Variants in PODXL2 observed in about 807,000 individuals in gnomAD.
PODXL2 encodes the protein podocalyxin like 2.
PODXL2 carries 17 observed loss-of-function variants against 53.4 expected under a neutral mutation model. That is an observed-to-expected ratio of 0.32 (90% CI 0.22 to 0.48). PODXL2 has a LOEUF of 0.48. Ranked by LOEUF, PODXL2 falls within the 20% of genes least tolerant of loss-of-function variation. The pLI, the probability that PODXL2 is intolerant of heterozygous loss-of-function variation, is 0.99. For missense variants in PODXL2, 673 were observed against 760.0 expected (o/e 0.89, Z 1.35); for synonymous variants, 311 against 306.7 (o/e 1.01, Z -0.15).
intron 2 of PODXL2, among the ~76,000 whole-genome samples, chr3:127,641,518 A>AG (rs1553744731): frequency 6.7e-6 from 1 of 150,104 alleles, no homozygotes; most frequent in African/African-American, 2.5e-5. Flanking sequence ...TTATAACTTG[A>AG]TTTTTTTTTC....
At position 127,671,544 on chromosome 3, in the gene PODXL2, C is replaced by T. The variant is rs1489889533; in HGVS notation, c.1536C>T (p.Cys512=). ...TGCTGGTGGTCATTGGGGCCATCTG[C>T]ATCATCATCATTGCGCTTGGCCTGC... is the stretch of plus-strand genomic sequence containing the variant. ...FVVLVVIGAI[C]IIIIALGLLY... Residue 512 remains cysteine, a synonymous_variant, in exon 7 of 8, where the codon TGC becomes TGT. Coordinates refer to ENST00000342480, the MANE Select transcript of PODXL2 (RefSeq NM_015720.4). 6.2e-7 allele frequency: 1 copy of T among 1,613,856 alleles called. No homozygotes were observed.
In PODXL2 at chr3:127,661,140, T is replaced by G. The variant is rs1250793427; in HGVS notation, c.1112T>G (p.Ile371Arg). The G allele has an allele frequency of 1.2e-6, 2 of 1,613,802 alleles. No homozygotes were observed. The highest frequency in any genetic ancestry group is 1.7e-6 in the Non-Finnish European group (2 of 1,179,790). The change falls in exon 3 of 8, where the codon ATA becomes AGA. Residue 371 changes from isoleucine (I) to arginine (R), a missense_variant. By Grantham distance (97) the Ile-to-Arg change is moderately conservative. This residue lies in a region of PODXL2 where 588 missense variants were observed against 668.3 expected (regional missense o/e 0.88). Coordinates refer to ENST00000342480, the MANE Select transcript of PODXL2 (RefSeq NM_015720.4). Reference protein sequence around the residue: ...EGQAAEAQSRIPWDSTQVICK... With the variant: ...EGQAAEAQSRRPWDSTQVICK... ...CAGGCAGCTGAAGCTCAATCCAGGA[T>G]ACCCTGGGATTCTACGCAGGTAAAG...
chr3:127,629,242 C>T lies in PODXL2; in HGVS notation c.23C>T (p.Ala8Val). ...ACCATGGGCCGGCTGCTGCGGGCCG[C>T]CCGGCTGCCGCCGCTGCTTTCGCCG... Reference protein sequence around the residue: MGRLLRAARLPPLLSPLL... With the variant: MGRLLRAVRLPPLLSPLL... The change falls in exon 1 of 8, where the codon GCC becomes GTC. Residue 8 changes from alanine (A) to valine (V), a missense_variant. Physicochemically the swap from Ala to Val is moderately conservative, Grantham distance 64. Transcript: ENST00000342480. The surrounding 1 kb of genome is among the most constrained non-coding windows in gnomAD (Gnocchi z 6.4). The T allele has an allele frequency of 3.0e-6, 3 of 1,002,986 alleles. No homozygotes were observed. Among genetic ancestry groups the T allele is most frequent in the Non-Finnish European group, 3.6e-6 (3 of 841,844 alleles). The allele number at this position is 1,002,986 out of a possible 1,614,324, so 62.1% of individuals were successfully genotyped here. A position where few individuals can be genotyped will look rare whatever the true frequency, so the allele number is the denominator to read the frequency against.
At chr3:127,650,450 A>G (rs539552749) in intron 2 of PODXL2, among the ~76,000 whole-genome samples, 5 of 152,212 alleles carry the variant, frequency 3.3e-5, no homozygotes, top group Admixed American at 6.5e-5. Context: ...GCACCAACCC[A>G]TCACAGGGGG....
intron 2 of PODXL2, among the ~76,000 whole-genome samples, chr3:127,647,068 T>G (rs1403717769): frequency 6.6e-6 from 1 of 152,162 alleles, no homozygotes; most frequent in African/African-American, 2.4e-5. Flanking sequence ...GAGTTTCTGC[T>G]TGGTGGATAA....
rs1004222517 is a variant in PODXL2 at position 127,672,657 on chromosome 3, C to T, written c.*177C>T. 3.3e-5 allele frequency: 16 copies of T among 485,304 alleles called. No homozygotes were observed. The highest frequency in any genetic ancestry group is 6.1e-5 in the African/African-American group (3 of 48,786). The allele number at this position is 485,304 out of a possible 1,614,324, so 30.1% of individuals were successfully genotyped here. A position where few individuals can be genotyped will look rare whatever the true frequency, so the allele number is the denominator to read the frequency against. On this transcript the variant is annotated 3_prime_UTR_variant, in exon 8 of 8. Coordinates refer to ENST00000342480, the MANE Select transcript of PODXL2 (RefSeq NM_015720.4). ...TCACACGGCGGCTTCGGACCAACTC[C>T]CTCACTCCCGCCCGAGGGGCAGGCC...
At chr3:127,630,581 G>A (rs1005224540) in intron 1 of PODXL2, among the ~76,000 whole-genome samples, 2 of 152,148 alleles carry the variant, frequency 1.3e-5, no homozygotes, top group African/African-American at 4.8e-5. Context: ...GCCTGAGGTG[G>A]GCCATGAACC....
chr3:127,642,538 A>G (rs1032612622), intron 2 of PODXL2, among the ~76,000 whole-genome samples: 2 of 152,056 alleles, frequency 1.3e-5, no homozygotes, highest in Non-Finnish European at 2.9e-5. Context: ...GGGAGCCTGC[A>G]GGGAAAGTGG....
intron 2 of PODXL2, among the ~76,000 whole-genome samples, chr3:127,650,651 G>A (rs984237846): frequency 1.3e-5 from 2 of 151,870 alleles, no homozygotes; most frequent in East Asian, 3.9e-4. Context: ...TTTTTTGTTT[G>A]TTTTTTTTGT....
At position 127,629,816 on chromosome 3, in the gene PODXL2, G is replaced by T. The variant is rs769792070; in HGVS notation, c.70+527G>T. 3.3e-4 allele frequency among the ~76,000 whole-genome samples: 51 copies of T among 152,310 alleles called. No individual in the cohort carries two copies. Among genetic ancestry groups the T allele is most frequent in the Non-Finnish European group, 5.3e-4 (36 of 68,024 alleles). ...CGTTGCCGGGAGGGAGTGTGAGTGT[G>T]TCACGGTGAATGGGTATTCTCTCCT... On this transcript the variant is annotated intron_variant, in intron 1 of 7. Coordinates refer to ENST00000342480, the MANE Select transcript of PODXL2 (RefSeq NM_015720.4). This position sits in a 1 kb window ranked among gnomAD's most constrained non-coding sequence, Gnocchi z 6.4.
intron 1 of PODXL2, among the ~76,000 whole-genome samples, chr3:127,634,302 G>A (rs2074564541): frequency 6.6e-6 from 1 of 152,112 alleles, no homozygotes; most frequent in Non-Finnish European, 1.5e-5. Flanking sequence ...GCACATGCCT[G>A]TAATCCCTGC....
At chr3:127,669,078 G>C (rs931990150) in intron 5 of PODXL2, 63 bp from the exon 6 acceptor site, 6 of 1,130,982 alleles carry the variant, frequency 5.3e-6, no homozygotes, top group South Asian at 2.8e-5. Flanking sequence ...CGGGGCCAGA[G>C]CCCTTGGAGG....
chr3:127,646,483 G>A (rs1051018614), intron 2 of PODXL2, among the ~76,000 whole-genome samples: 9 of 151,874 alleles, frequency 5.9e-5, no homozygotes, highest in Non-Finnish European at 1.3e-4. Flanking sequence ...CGCCTCCCAG[G>A]TTCAAGTGAT....
chr3:127,659,408 A>C (rs1384011666), intron 2 of PODXL2, among the ~76,000 whole-genome samples: 1 of 152,188 alleles, frequency 6.6e-6, no homozygotes, highest in Admixed American at 6.5e-5. Context: ...CATTTGATAA[A>C]AGTTTTGGAG....
rs189690369 is a variant in PODXL2 at position 127,665,447 on chromosome 3, G to A, written c.1207-2994G>A. On this transcript the variant is annotated intron_variant, in intron 4 of 7. Coordinates refer to ENST00000342480, the MANE Select transcript of PODXL2 (RefSeq NM_015720.4). ...ATCTAGAGAAAGTGATGCAGGCTCA[G>A]TGGCTTCTATTTTACCTAGATGTCA... 2.6e-5 allele frequency among the ~76,000 whole-genome samples: 4 copies of A among 152,342 alleles called. No homozygotes were observed. In the East Asian group the frequency reaches 7.7e-4, roughly 29 times the overall value.
chr3:127,637,236 C>T (rs2074583058), intron 1 of PODXL2, among the ~76,000 whole-genome samples: 1 of 152,196 alleles, frequency 6.6e-6, no homozygotes, highest in African/African-American at 2.4e-5. Flanking sequence ...CGTTTACTAG[C>T]CCTGGTCAGA....
At chr3:127,646,118 A>G (rs1658039) in intron 2 of PODXL2, among the ~76,000 whole-genome samples, 1,699 of 152,308 alleles carry the variant, frequency 0.011, 42 homozygotes, top group African/African-American at 0.039. Context: ...TGTGCCCAGC[A>G]CTATGTTAGG....
Position 127,672,385 on chromosome 3 carries a change from G to A in PODXL2, c.1723G>A (p.Gly575Arg). 1 of 1,545,790 alleles carries A rather than the reference G, an allele frequency of 6.5e-7. No homozygotes were observed. Among genetic ancestry groups the A allele is most frequent in the Non-Finnish European group, 8.7e-7 (1 of 1,146,466 alleles). Residue 575 changes from glycine (G) to arginine (R), a missense_variant, in exon 8 of 8, where the codon GGG becomes AGG. Gly to Arg is a moderately radical substitution (Grantham distance 125). Coordinates refer to ENST00000342480, the MANE Select transcript of PODXL2 (RefSeq NM_015720.4). ...GAAGCACCCCAGCCTGAACGGCGGC[G>A]GGGCCCTCAACGGCCCGGGGAGCTG... The part of the protein sequence containing the change: ...QEKHPSLNGG[G>R]ALNGPGSWGA...
intron 4 of PODXL2, among the ~76,000 whole-genome samples, chr3:127,666,799 G>A (rs1019678912): frequency 1.3e-5 from 2 of 152,192 alleles, no homozygotes; most frequent in African/African-American, 4.8e-5. Flanking sequence ...TATGAAATCT[G>A]CAGTCATCAG....
Sources: gnomAD v4.1 joint callset for allele counts (sites outside exome capture counted in the v4.1 genomes callset) on GRCh38, gnomAD v4.1.1 for gene constraint, gnomAD v4.1.1 regional missense constraint, Gnocchi (gnomAD v3.1) non-coding constraint, MANE v1.5 for transcripts, NCBI Gene and HGNC (gene_info 2026-07-23, HGNC 2026-07-21) for gene names.